The following COG6 variants were observed in gnomAD, a reference collection of about 807,000 sequenced individuals.
COG6 encodes the protein conserved oligomeric Golgi complex subunit 6.
A neutral mutation model predicts 88.8 loss-of-function variants in COG6; 74 were observed. The observed-to-expected ratio is 0.83, with a 90% CI of 0.69 to 1.01. COG6 has a LOEUF of 1.01. COG6 is among the 50% of genes least tolerant of loss of function. The pLI is 0.00. For missense variants in COG6, 800 were observed against 797.9 expected (o/e 1.00, Z -0.03); for synonymous variants, 286 against 278.7 (o/e 1.03, Z -0.26).
chr13:39,660,796 TTTC>T lies in COG6; in HGVS notation c.298-8_298-6del, dbSNP rs767942667. The T allele has an allele frequency of 1.0e-5, 16 of 1,559,508 alleles. No homozygotes were observed. The highest frequency in any genetic ancestry group is 4.4e-5 in the South Asian group (4 of 90,006). Reference sequence around the variant, plus strand: ...TGTATATATGATGTTTGATGTTACTTTTCTTCTTTTCAGGAACTTGAAAGCATA... The same window carrying T: ...TGTATATATGATGTTTGATGTTACTTTTCTTTTCAGGAACTTGAAAGCATA... On this transcript the variant is annotated splice_polypyrimidine_tract_variant and intron_variant, in intron 2 of 18. Transcript: ENST00000455146.
At chr13:39,666,527 C>A (rs1305177994) in intron 4 of COG6, among the ~76,000 whole-genome samples, 2 of 152,130 alleles carry the variant, frequency 1.3e-5, no homozygotes, top group African/African-American at 4.8e-5. Flanking sequence ...AAACACTGCC[C>A]TAGACCAAAA....
chr13:39,661,650 A>G (rs1246414148), intron 3 of COG6, among the ~76,000 whole-genome samples: 1 of 151,900 alleles, frequency 6.6e-6, no homozygotes, highest in Non-Finnish European at 1.5e-5. Flanking sequence ...AATCTATCAG[A>G]TATTATTGGC....
intron 8 of COG6, among the ~76,000 whole-genome samples, chr13:39,684,030 T>C (rs1372983515): frequency 6.6e-6 from 1 of 152,116 alleles, no homozygotes; most frequent in Non-Finnish European, 1.5e-5. Context: ...GCACTTAGTG[T>C]AATGCTTGGT....
chr13:39,781,054 C>T (rs909931752), intron 18 of COG6, among the ~76,000 whole-genome samples: 3 of 152,258 alleles, frequency 2.0e-5, no homozygotes, highest in Non-Finnish European at 2.9e-5. Flanking sequence ...TCTCCAAGAG[C>T]CCCATTTGGC....
chr13:39,704,135 A>G (rs1877746705), intron 13 of COG6, among the ~76,000 whole-genome samples: 1 of 152,142 alleles, frequency 6.6e-6, no homozygotes, highest in East Asian at 1.9e-4. Flanking sequence ...GTGGTTATCC[A>G]TTTATTTTAT....
intron 18 of COG6, among the ~76,000 whole-genome samples, chr13:39,748,406 G>A (rs1224377087): frequency 6.6e-6 from 1 of 152,062 alleles, no homozygotes; most frequent in Admixed American, 6.6e-5. Context: ...CCTGAGGTCA[G>A]GATTTTGAGA....
intron 18 of COG6, among the ~76,000 whole-genome samples, chr13:39,782,997 CT>C (rs2138189985): frequency 6.6e-6 from 1 of 152,282 alleles, no homozygotes; most frequent in East Asian, 1.9e-4. Flanking sequence ...ATTCATCAAG[CT>C]GTATATTGAT....
chr13:39,701,756 A>G (rs1319311433), intron 13 of COG6, among the ~76,000 whole-genome samples: 1 of 151,932 alleles, frequency 6.6e-6, no homozygotes. Context: ...GTACGTAGAA[A>G]AGTTCATGGG....
intron 7 of COG6, among the ~76,000 whole-genome samples, chr13:39,681,498 T>C (rs1055037847): frequency 2.0e-5 from 3 of 152,192 alleles, no homozygotes; most frequent in African/African-American, 7.2e-5. Context: ...GACTATGAAG[T>C]CATTTTAAGG....
In COG6 at chr13:39,660,837, C is replaced by A. The variant is rs753241391; in HGVS notation, c.325C>A (p.Gln109Lys). Reference protein sequence around the residue: ...EELESISEDVQAMSNCCQDMT... With the variant: ...EELESISEDVKAMSNCCQDMT... Reference sequence around the variant, plus strand: ...ACTTGAAAGCATAAGCGAAGATGTTCAAGCAATGAGCAACTGTTGTCAAGA... The same window carrying A: ...ACTTGAAAGCATAAGCGAAGATGTTAAAGCAATGAGCAACTGTTGTCAAGA... Residue 109 changes from glutamine to lysine, a missense_variant, in exon 3 of 19, where the codon CAA (glutamine) becomes AAA (lysine). Gln to Lys is a moderately conservative substitution (Grantham distance 53). Coordinates refer to ENST00000455146, the MANE Select transcript of COG6 (RefSeq NM_020751.3). The A allele has an allele frequency of 2.5e-6, 4 of 1,610,480 alleles. No homozygotes were observed. In the South Asian group the frequency reaches 4.4e-5, roughly 18 times the overall value.
intron 18 of COG6, among the ~76,000 whole-genome samples, chr13:39,786,802 C>T (rs1041061451): frequency 6.6e-6 from 1 of 152,132 alleles, no homozygotes; most frequent in African/African-American, 2.4e-5. Flanking sequence ...AAAACTTTTA[C>T]TTGTTGGTTG....
chr13:39,766,835 C>T (rs1277255528), intron 18 of COG6, among the ~76,000 whole-genome samples: 1 of 152,176 alleles, frequency 6.6e-6, no homozygotes, highest in African/African-American at 2.4e-5. Context: ...TATCCTCCTA[C>T]TTTTTTGCGC....
At position 39,671,396 on chromosome 13, in the gene COG6, CT is replaced by C. The variant is rs557470710; in HGVS notation, c.429-6062del. On this transcript the variant is annotated intron_variant, in intron 4 of 18. Transcript: ENST00000455146. ...TTTTTTCCCCACCAATACAAAAGAG[CT>C]TTTTTTTTTCTTCCTTTTTTTTTGT... 1.2e-3 allele frequency among the ~76,000 whole-genome samples: 181 copies of C among 147,812 alleles called. 1 individual carries two copies. The highest frequency in any genetic ancestry group is 4.0e-3 in the African/African-American group (163 of 40,316).
chr13:39,668,511 G>A (rs4261404), intron 4 of COG6, among the ~76,000 whole-genome samples: 108,867 of 152,032 alleles, frequency 0.72, 39,342 homozygotes, highest in Admixed American at 0.81. Flanking sequence ...AAACAAGGCC[G>A]GGCGCCGTAG....
chr13:39,734,539 T>G (rs1879630238), intron 18 of COG6, among the ~76,000 whole-genome samples: 1 of 152,198 alleles, frequency 6.6e-6, no homozygotes, highest in Non-Finnish European at 1.5e-5. Context: ...TCCTTGAGAA[T>G]GATCTATGTG....
intron 11 of COG6, among the ~76,000 whole-genome samples, chr13:39,693,411 ATGT>A (rs1877091853): frequency 1.3e-5 from 2 of 151,898 alleles, no homozygotes; most frequent in South Asian, 4.2e-4. Flanking sequence ...GATAGCTGAG[ATGT>A]TGTTTAAAAT....
Position 39,677,584 on chromosome 13 carries a change from C to T in COG6, c.540+5C>T. On this transcript the variant is annotated splice_donor_5th_base_variant and intron_variant, in intron 5 of 18. Transcript: ENST00000455146. ...AGAGAAGGACCCATTACTGAGGTAT[C>T]CTGGCTTTCTGTTATAATCATTTAA... The T allele has an allele frequency of 1.3e-6, 2 of 1,525,442 alleles. No homozygotes were observed. Among genetic ancestry groups the T allele is most frequent in the African/African-American group, 2.7e-5 (2 of 72,994 alleles). 94.5% of individuals were successfully genotyped at this position (1,525,442 alleles called of 1,614,324 possible).
At chr13:39,752,740 C>T (rs187087144), downstream of COG6, 61 of 952,080 alleles carry the variant, frequency 6.4e-5, no homozygotes, top group Admixed American at 2.4e-4. Context: ...CTGAGGTAAT[C>T]AGTGAAAGAC....
chr13:39,776,440 T>G lies in COG6; in HGVS notation c.1827-11895T>G, dbSNP rs9315731. ...TTTGTCAAAAAAGTTTCCAGTAAAA[T>G]AGCTGTCTCTGTCTTCTCCATTGTT... On this transcript the variant is annotated intron_variant, in intron 18 of 18. Coordinates refer to the COG6 transcript ENST00000416691. 1.8e-4 allele frequency among the ~76,000 whole-genome samples: 27 copies of G among 152,348 alleles called. No homozygotes were observed. In the South Asian group the frequency reaches 2.3e-3, roughly 13 times the overall value.
Sources: gnomAD v4.1 joint callset for allele counts (sites outside exome capture counted in the v4.1 genomes callset) on GRCh38, gnomAD v4.1.1 for gene constraint, MANE v1.5 for transcripts, NCBI Gene and HGNC (gene_info 2026-07-23, HGNC 2026-07-21) for gene names.